LTBP2: variants seen among roughly 807,000 people sequenced by gnomAD.
The protein encoded by LTBP2 is latent-transforming growth factor beta-binding protein 2.
A neutral mutation model predicts 210.6 loss-of-function variants in LTBP2; 103 were observed. The observed-to-expected ratio is 0.49, with a 90% CI of 0.42 to 0.58. The LOEUF (loss-of-function observed/expected upper bound fraction) is 0.58, where lower values mean the gene tolerates loss of function less well. Ranked by LOEUF, LTBP2 falls within the 20% of genes least tolerant of loss-of-function variation. The probability of loss-of-function intolerance (pLI) is 0.00; values close to 1 mark genes in which losing one functional copy is unlikely to be tolerated. For synonymous variants in LTBP2, 1,007 were observed against 1,015.0 expected, an observed-to-expected ratio of 0.99 and a Z score of 0.15; for missense variants, 2,313 against 2,494.5, an observed-to-expected ratio of 0.93 and a Z score of 1.55.
chr14:74,540,836 T>TA (rs1479886629), intron 8 of LTBP2, among the ~76,000 whole-genome samples: 4 of 30,296 alleles, frequency 1.3e-4, no homozygotes, highest in Non-Finnish European at 4.3e-4. Flanking sequence ...ATATAATATA[T>TA]ATTTATATAT....
At chr14:74,502,373 T>TTC (rs146628935) in intron 34 of LTBP2, among the ~76,000 whole-genome samples, 3 of 151,650 alleles carry the variant, frequency 2.0e-5, no homozygotes, top group African/African-American at 4.8e-5. Context: ...GTGAACAGCT[T>TTC]TCTCTCTCTC....
intron 3 of LTBP2, among the ~76,000 whole-genome samples, chr14:74,584,323 C>T (rs2088175324): frequency 6.6e-6 from 1 of 152,128 alleles, no homozygotes; most frequent in South Asian, 2.1e-4. Context: ...GAGTGACTTG[C>T]CCAGCAACCC....
chr14:74,536,092 GCCCA>G, intron 8 of LTBP2, 92 bp from the exon 9 acceptor site: 1 of 1,098,904 alleles, frequency 9.1e-7, no homozygotes, highest in East Asian at 2.5e-5. Flanking sequence ...TGGATGTCCA[GCCCA>G]CCCGGCAGCA....
chr14:74,502,805 C>A lies in LTBP2; in HGVS notation c.5018G>T (p.Gly1673Val). The change falls in exon 34 of 36, where the codon GGG becomes GTG. Residue 1673 changes from glycine (G) to valine (V), a missense_variant. This residue lies in a region of LTBP2 where 443 missense variants were observed against 501.4 expected (regional missense o/e 0.88). Coordinates refer to ENST00000261978, the MANE Select transcript of LTBP2 (RefSeq NM_000428.3). Reference sequence around the variant, plus strand: ...GCCCAGGTAGTTGTAGAAGGGGGCCCCATCTGGGCCATAGATGCTGTAGTG... The same window carrying A: ...GCCCAGGTAGTTGTAGAAGGGGGCCACATCTGGGCCATAGATGCTGTAGTG... ...DLHYSIYGPDGAPFYNYLGPE... is the reference protein window; with the variant it reads ...DLHYSIYGPDVAPFYNYLGPE... 4 of 1,614,104 alleles carry A rather than the reference C, an allele frequency of 2.5e-6. No individual in the cohort carries two copies. Among genetic ancestry groups the A allele is most frequent in the Non-Finnish European group, 3.4e-6 (4 of 1,179,980 alleles).
At chr14:74,561,188 G>A (rs1017877276) in intron 3 of LTBP2, among the ~76,000 whole-genome samples, 1 of 151,978 alleles carries the variant, frequency 6.6e-6, no homozygotes, top group Non-Finnish European at 1.5e-5. Flanking sequence ...CGTGGTGGTG[G>A]GCACCTGTAG....
chr14:74,556,536 GA>G (rs1204838550), intron 3 of LTBP2, among the ~76,000 whole-genome samples: 2 of 152,146 alleles, frequency 1.3e-5, no homozygotes, highest in African/African-American at 4.8e-5. Flanking sequence ...TTGTTTTTGA[GA>G]CCGAGTTTTG....
chr14:74,552,851 C>T (rs1314917917), intron 5 of LTBP2, 41 bp downstream of exon 5: 3 of 1,593,390 alleles, frequency 1.9e-6, no homozygotes, highest in East Asian at 2.3e-5. Context: ...ATCTACCCTC[C>T]AGGGCCAGCT....
chr14:74,545,530 G>A (rs2087565970), intron 8 of LTBP2, among the ~76,000 whole-genome samples: 1 of 152,180 alleles, frequency 6.6e-6, no homozygotes, highest in Non-Finnish European at 1.5e-5. Flanking sequence ...CGATCTCATG[G>A]CAAACAGCTG....
Position 74,510,166 on chromosome 14 carries a change from T to A in LTBP2, c.3076A>T (p.Thr1026Ser). ...TPGVCAHGKC[T>S]NLEGSFRCSC... ...CATCTGAAGGAGCCTTCTAGGTTGG[T>A]GCACTTTCCATGGGCACAGACCCCG... Residue 1026 changes from threonine (T) to serine (S), a missense_variant, in exon 20 of 36, where the codon ACC (threonine) becomes TCC (serine). This residue lies in a region of LTBP2 where 1,867 missense variants were observed against 1,976.9 expected (regional missense o/e 0.94). Transcript: ENST00000261978. 2.5e-6 allele frequency: 4 copies of A among 1,614,078 alleles called. No individual in the cohort carries two copies. Among genetic ancestry groups the A allele is most frequent in the Non-Finnish European group, 3.4e-6 (4 of 1,180,018 alleles).
rs756171656 is a variant in LTBP2 at position 74,504,014 on chromosome 14, C to T, written c.4494G>A (p.Pro1498=). 28 of 1,613,928 alleles carry T rather than the reference C, an allele frequency of 1.7e-5. No individual in the cohort carries two copies. Among genetic ancestry groups the T allele is most frequent in the Non-Finnish European group, 1.9e-5 (23 of 1,179,996 alleles). Residue 1498 remains proline, a synonymous_variant, in exon 31 of 36, where the codon CCG becomes CCA. Coordinates refer to ENST00000261978, the MANE Select transcript of LTBP2 (RefSeq NM_000428.3). ...GCACGGTGTTGAGGCACCGGCCGTT[C>T]GGGCAGAGACCAGGCCCGAATATCA... ...ECVIFGPGLC[P]NGRCLNTVPG...
At chr14:74,517,130 G>T (rs969752304) in intron 17 of LTBP2, among the ~76,000 whole-genome samples, 189 bp from the exon 18 acceptor site, 5 of 152,180 alleles carry the variant, frequency 3.3e-5, no homozygotes, top group African/African-American at 1.2e-4. Context: ...AAATGATCTA[G>T]CTCAGGCCCC....
chr14:74,564,333 A>ATATATATTTATATATATATT (rs2087868392), intron 3 of LTBP2, among the ~76,000 whole-genome samples: 1 of 6,574 alleles, frequency 1.5e-4, no homozygotes, highest in Admixed American at 3.6e-3. Context: ...ATATATATTT[A>ATATATATTTATATATATATT]TATATATATA....
Position 74,586,228 on chromosome 14 carries a change from C to G in LTBP2, c.566-110G>C. On this transcript the variant is annotated intron_variant, in intron 2 of 35. Coordinates refer to ENST00000261978, the MANE Select transcript of LTBP2 (RefSeq NM_000428.3). This position sits in a 1 kb window ranked among gnomAD's most constrained non-coding sequence, Gnocchi z 4.6. Reference sequence around the variant, plus strand: ...TCCTGAGTGCTGCAACCCTGTCGCTCAAGCAGGAAGCCACTCTCCTGGCCT... The same window carrying G: ...TCCTGAGTGCTGCAACCCTGTCGCTGAAGCAGGAAGCCACTCTCCTGGCCT... 1 of 1,284,740 alleles carries G rather than the reference C, an allele frequency of 7.8e-7. No homozygotes were observed. Among genetic ancestry groups the G allele is most frequent in the South Asian group, 1.4e-5 (1 of 71,740 alleles). 79.6% of individuals were successfully genotyped at this position (1,284,740 alleles called of 1,614,324 possible). A position where few individuals can be genotyped will look rare whatever the true frequency, so the allele number is the denominator to read the frequency against.
intron 27 of LTBP2, 38 bp from the exon 28 acceptor site, chr14:74,506,229 G>T (rs765455221): frequency 6.2e-7 from 1 of 1,613,882 alleles, no homozygotes; most frequent in Admixed American, 1.7e-5. Context: ...GCAGAAAAGA[G>T]GCAGCCCGTG....
intron 18 of LTBP2, 31 bp downstream of exon 18, chr14:74,516,791 G>GGA: frequency 1.9e-6 from 3 of 1,546,050 alleles, no homozygotes; most frequent in Non-Finnish European, 8.7e-7. Flanking sequence ...TGGTGGGGTG[G>GGA]CAGGGCGCTT....
chr14:74,509,392 C>T (rs745985713), intron 21 of LTBP2, 29 bp from the exon 22 acceptor site: 1 of 1,612,126 alleles, frequency 6.2e-7, no homozygotes, highest in South Asian at 1.1e-5. Context: ...CGCCCGGGGA[C>T]CTAGGAGGGC....
chr14:74,600,338 G>A (rs2088428312), intron 2 of LTBP2, among the ~76,000 whole-genome samples: 1 of 152,202 alleles, frequency 6.6e-6, no homozygotes, highest in East Asian at 1.9e-4. Flanking sequence ...CCTGGGTCAG[G>A]GTGGGTGACC....
chr14:74,551,436 G>T, intron 6 of LTBP2, 86 bp from the exon 7 acceptor site: 1 of 1,314,762 alleles, frequency 7.6e-7, no homozygotes, highest in Non-Finnish European at 1.0e-6. Context: ...CCACCCCTGG[G>T]CCAGGCAGGC....
chr14:74,559,397 G>A (rs1310468234), intron 3 of LTBP2, among the ~76,000 whole-genome samples: 4 of 152,126 alleles, frequency 2.6e-5, no homozygotes, highest in Non-Finnish European at 4.4e-5. Context: ...GAGGCTCGTC[G>A]TGGAGTAAAG....
Sources: gnomAD v4.1 joint callset for allele counts (sites outside exome capture counted in the v4.1 genomes callset) on GRCh38, gnomAD v4.1.1 for gene constraint, gnomAD v4.1.1 regional missense constraint, Gnocchi (gnomAD v3.1) non-coding constraint, MANE v1.5 for transcripts, NCBI Gene and HGNC (gene_info 2026-07-23, HGNC 2026-07-21) for gene names.